BAG4: variants seen among roughly 807,000 people sequenced by gnomAD.
BAG4 encodes BAG cochaperone 4.
Under a neutral mutation model 52.1 loss-of-function variants are expected in BAG4, and 28 were observed. That is an observed-to-expected ratio of 0.54 (90% CI 0.40 to 0.74). The LOEUF (loss-of-function observed/expected upper bound fraction) is 0.74. Ranked by LOEUF, BAG4 falls within the 30% of genes least tolerant of loss-of-function variation. The probability of loss-of-function intolerance (pLI) is 0.00; values close to 1 mark genes in which losing one functional copy is unlikely to be tolerated. For synonymous variants in BAG4, 208 were observed against 217.0 expected (o/e 0.96, Z 0.37); for missense variants, 525 against 572.0 (o/e 0.92, Z 0.84).
In BAG4 at chr8:38,192,784, T is replaced by C. The variant is rs777788013; in HGVS notation, c.367T>C (p.Leu123=). The change falls in exon 2 of 5, where the codon TTG becomes CTG. Residue 123 remains leucine (L), a synonymous_variant. Transcript: ENST00000287322. ...AAGTACATATCCTGTAAGACCAGAA[T>C]TGCAAGGCCAGGTATGGTTTAAAAA... ...YPSTYPVRPE[L]QGQSLNSYTN... 1.0e-5 allele frequency: 16 copies of C among 1,603,634 alleles called. No individual in the cohort carries two copies. In the East Asian group the frequency reaches 2.9e-4, roughly 29 times the overall value.
intron 2 of BAG4, among the ~76,000 whole-genome samples, chr8:38,193,031 A>G (rs1803501686): frequency 2.6e-5 from 4 of 152,204 alleles, no homozygotes; most frequent in Admixed American, 2.6e-4. Flanking sequence ...ACAAACATAA[A>G]ATATACTTAT....
chr8:38,179,143 T>C (rs1803220655), intron 1 of BAG4, among the ~76,000 whole-genome samples: 3 of 152,070 alleles, frequency 2.0e-5, no homozygotes, highest in Admixed American at 2.0e-4. Context: ...CATGGAGCAG[T>C]GATAAATTAT....
chr8:38,209,368 T>A, intron 4 of BAG4, 101 bp downstream of exon 4: 3 of 1,495,928 alleles, frequency 2.0e-6, no homozygotes, highest in African/African-American at 1.4e-5. Context: ...TGGGGACTAA[T>A]TACAAAAAGT....
chr8:38,184,799 C>A (rs1378536655), intron 1 of BAG4, among the ~76,000 whole-genome samples: 1 of 151,836 alleles, frequency 6.6e-6, no homozygotes, highest in Non-Finnish European at 1.5e-5. Flanking sequence ...GTATAGAATG[C>A]TGTGCTTGCG....
chr8:38,185,840 G>A (rs963676785), intron 1 of BAG4, among the ~76,000 whole-genome samples: 6 of 152,198 alleles, frequency 3.9e-5, no homozygotes, highest in African/African-American at 9.7e-5. Flanking sequence ...TGGGATTATA[G>A]GTGTGAGCCA....
At chr8:38,187,868 A>G (rs1163910690) in intron 1 of BAG4, among the ~76,000 whole-genome samples, 1 of 138,622 alleles carries the variant, frequency 7.2e-6, no homozygotes, top group Non-Finnish European at 1.5e-5. Flanking sequence ...TAAAAATACA[A>G]AAAAAAAAAA....
At position 38,189,343 on chromosome 8, in the gene BAG4, G is replaced by A. The variant is rs750992295; in HGVS notation, c.271-3345G>A. Reference sequence around the variant, plus strand: ...AGTAACAACTAATGGATGCAGTTTCGGTTTCTTTGCAGTTCAGCTTGTCCT... The same window carrying A: ...AGTAACAACTAATGGATGCAGTTTCAGTTTCTTTGCAGTTCAGCTTGTCCT... On this transcript the variant is annotated intron_variant, in intron 1 of 4. Coordinates refer to ENST00000287322, the MANE Select transcript of BAG4 (RefSeq NM_004874.4). Among the ~76,000 whole-genome samples, 8 of 152,038 alleles carry A rather than the reference G, an allele frequency of 5.3e-5. No individual in the cohort carries two copies. In the South Asian group the frequency reaches 6.2e-4, roughly 12 times the overall value.
chr8:38,209,014 A>T lies in BAG4; in HGVS notation c.635A>T (p.Asn212Ile). ...GQVPGYPPSQ[N>I]PGMTLPHYPY... is the part of the protein sequence containing the mutation. ...GTATATTTCTTCTTCTCAATCTAGAACCCTGGAATGACCCTGCCCCATTAT... is the reference window on the plus strand; with the variant it reads ...GTATATTTCTTCTTCTCAATCTAGATCCCTGGAATGACCCTGCCCCATTAT... Residue 212 changes from asparagine to isoleucine, a missense_variant and splice_region_variant, in exon 4 of 5, where the codon AAC becomes ATC. Coordinates refer to ENST00000287322, the MANE Select transcript of BAG4 (RefSeq NM_004874.4). The T allele has an allele frequency of 6.2e-7, 1 of 1,613,048 alleles. No individual in the cohort carries two copies. The highest frequency in any genetic ancestry group is 1.7e-4 in the Middle Eastern group (1 of 6,058).
chr8:38,189,683 G>A (rs1803435407), intron 1 of BAG4, among the ~76,000 whole-genome samples: 2 of 152,200 alleles, frequency 1.3e-5, no homozygotes, highest in South Asian at 4.1e-4. Context: ...GATAATGTAG[G>A]TCTTGTGGAG....
At chr8:38,183,054 T>TG (rs1803299163) in intron 1 of BAG4, among the ~76,000 whole-genome samples, 1 of 146,354 alleles carries the variant, frequency 6.8e-6, no homozygotes, top group East Asian at 2.0e-4. Context: ...TTTTTTTTTT[T>TG]TTTTTTTTTA....
intron 2 of BAG4, among the ~76,000 whole-genome samples, chr8:38,199,975 C>A (rs1052100835): frequency 6.0e-5 from 9 of 150,034 alleles, no homozygotes; most frequent in Admixed American, 1.3e-4. Flanking sequence ...TGTTGAAAGA[C>A]TATGTTTTTT....
intron 1 of BAG4, among the ~76,000 whole-genome samples, chr8:38,179,301 C>A (rs912275608): frequency 6.6e-6 from 1 of 151,808 alleles, no homozygotes; most frequent in Non-Finnish European, 1.5e-5. Context: ...GGATTACAGG[C>A]GCCTGCCACC....
chr8:38,209,113 C>T lies in BAG4; in HGVS notation c.734C>T (p.Ser245Phe). ...TVRPQEDAWASPGAYGMGGRY... is the reference protein window; with the variant it reads ...TVRPQEDAWAFPGAYGMGGRY... Reference sequence around the variant, plus strand: ...CGACCACAAGAAGATGCGTGGGCTTCTCCTGGTGCTTATGGAATGGGTGGC... The same window carrying T: ...CGACCACAAGAAGATGCGTGGGCTTTTCCTGGTGCTTATGGAATGGGTGGC... The change falls in exon 4 of 5, where the codon TCT becomes TTT. Residue 245 changes from serine (S) to phenylalanine (F), a missense_variant. By Grantham distance (155) the Ser-to-Phe change is radical (BLOSUM62 -2). Coordinates refer to ENST00000287322, the MANE Select transcript of BAG4 (RefSeq NM_004874.4). 1 of 1,614,158 alleles carries T rather than the reference C, an allele frequency of 6.2e-7. No homozygotes were observed. Among genetic ancestry groups the T allele is most frequent in the Non-Finnish European group, 8.5e-7 (1 of 1,180,032 alleles).
intron 2 of BAG4, among the ~76,000 whole-genome samples, chr8:38,195,384 G>T (rs1202064277): frequency 1.3e-5 from 2 of 151,966 alleles, no homozygotes; most frequent in Admixed American, 1.3e-4. Flanking sequence ...CCAATCCTGG[G>T]CTCAAGAGAT....
chr8:38,177,477 A>T (rs2130655324), intron 1 of BAG4, among the ~76,000 whole-genome samples: 1 of 152,280 alleles, frequency 6.6e-6, no homozygotes, highest in Admixed American at 6.5e-5. Flanking sequence ...CTAGCAATTT[A>T]TCCTGCGTGG....
rs114510146 is a variant in BAG4 at position 38,201,345 on chromosome 8, G to T, written c.379-6167G>T. ...TTTGTTTCTTGAGATAGATAGTCTT[G>T]CTCTACCACCCAGTTCATTGTAGTG... On this transcript the variant is annotated intron_variant, in intron 2 of 4. Coordinates refer to ENST00000287322, the MANE Select transcript of BAG4 (RefSeq NM_004874.4). 7.8e-3 allele frequency among the ~76,000 whole-genome samples: 1,193 copies of T among 152,118 alleles called. 16 individuals carry two copies. The highest frequency in any genetic ancestry group is 0.027 in the African/African-American group (1,140 of 41,492).
At chr8:38,177,453 C>T (rs1354812513) in intron 1 of BAG4, among the ~76,000 whole-genome samples, 1 of 152,210 alleles carries the variant, frequency 6.6e-6, no homozygotes, top group African/African-American at 2.4e-5. Flanking sequence ...TGGCACGGAT[C>T]TACTGCTCCA....
chr8:38,181,946 A>G (rs1362588996), intron 1 of BAG4, among the ~76,000 whole-genome samples: 1 of 139,178 alleles, frequency 7.2e-6, no homozygotes, highest in Non-Finnish European at 1.6e-5. Context: ...TAGAGTTGAG[A>G]AACCTTTTGA....
rs1563286174 is a variant in BAG4 at position 38,209,197 on chromosome 8, A to C, written c.818A>C (p.Glu273Ala). The C allele has an allele frequency of 6.2e-7, 1 of 1,614,152 alleles. No homozygotes were observed. Among genetic ancestry groups the C allele is most frequent in the Non-Finnish European group, 8.5e-7 (1 of 1,180,032 alleles). Residue 273 changes from glutamate to alanine, a missense_variant, in exon 4 of 5, where the codon GAA (glutamate) becomes GCA (alanine). By Grantham distance (107) the Glu-to-Ala change is moderately radical (BLOSUM62 -1). Coordinates refer to ENST00000287322, the MANE Select transcript of BAG4 (RefSeq NM_004874.4). The stretch of plus-strand genomic sequence containing the variant: ...CCACCCGGCAATCTCTACATGACTG[A>C]AAGTACTTCACCATGGCCTAGCAGT... ...SAPPGNLYMT[E>A]STSPWPSSGS...
Sources: allele counts gnomAD v4.1 joint callset (sites outside exome capture counted in the v4.1 genomes callset), GRCh38; gene constraint gnomAD v4.1.1; transcripts MANE v1.5; gene names NCBI Gene and HGNC (gene_info 2026-07-23, HGNC 2026-07-21).